FER1L5: variants seen among roughly 807,000 people sequenced by gnomAD.
FER1L5 encodes fer-1 like family member 5, also known as fer-1-like protein 5.
A neutral mutation model predicts 279.9 loss-of-function variants in FER1L5; 187 were observed. That is an observed-to-expected ratio of 0.67 (90% confidence interval 0.59 to 0.75). The LOEUF is 0.75. Among genes scored for constraint, FER1L5 ranks in the 30% least tolerant of loss-of-function variants. The pLI is 0.00. For missense variants in FER1L5, 2,091 were observed against 2,594.4 expected (o/e 0.81, Z 4.21); for synonymous variants, 921 against 989.7 (o/e 0.93, Z 1.30).
rs1373994758 is a variant in FER1L5, at chr2:96,689,146, G to A, written c.2362-67G>A. ...TGCAGCCCAGAGTCAGGGGGCCCAG[G>A]GGAGGCCCATGTCCCCGCACTTTGT... On this transcript the variant is annotated intron_variant, in intron 24 of 52. Coordinates refer to ENST00000624922, the MANE Select transcript of FER1L5 (RefSeq NM_001293083.2). The surrounding 1 kb of genome is among the most constrained non-coding windows in gnomAD (Gnocchi z 4.6). 1.1e-5 allele frequency: 17 copies of A among 1,494,774 alleles called. No homozygotes were observed. The highest frequency in any genetic ancestry group is 5.0e-5 in the Admixed American group (2 of 40,316). 92.6% of individuals were successfully genotyped at this position (1,494,774 alleles called of 1,614,324 possible).
At position 96,702,423 on chromosome 2, in the gene FER1L5, C is replaced by T; in HGVS notation, c.5255+22C>T. 6.3e-7 allele frequency: 1 copy of T among 1,595,474 alleles called. No individual in the cohort carries two copies. Among genetic ancestry groups the T allele is most frequent in the Non-Finnish European group, 8.5e-7 (1 of 1,171,388 alleles). ...AAGGGTAGGGAAGAGGAGTCAGGCTCCGGCAGAGCCCCTCAGTTCCCCAGT... is the reference window on the plus strand; with the variant it reads ...AAGGGTAGGGAAGAGGAGTCAGGCTTCGGCAGAGCCCCTCAGTTCCCCAGT... On this transcript the variant is annotated intron_variant, in intron 47 of 52. Transcript: ENST00000624922. This position sits in a 1 kb window ranked among gnomAD's most constrained non-coding sequence, Gnocchi z 4.0.
At chr2:96,650,329 GAC>G (rs1190244477) in intron 6 of FER1L5, 40 bp downstream of exon 6, 1 of 1,502,632 alleles carries the variant, frequency 6.7e-7, no homozygotes, top group Non-Finnish European at 9.1e-7. Context: ...GGACTCACCT[GAC>G]ACTCTTGTTT....
chr2:96,704,350 C>G lies in FER1L5; in HGVS notation c.5937C>G (p.Ile1979Met), dbSNP rs765185252. The G allele has an allele frequency of 6.2e-7, 1 of 1,613,936 alleles. No homozygotes were observed. Among genetic ancestry groups the G allele is most frequent in the Non-Finnish European group, 8.5e-7 (1 of 1,179,856 alleles). ...SIIALMLFNFIYSAPHYLAMS... is the reference protein window; with the variant it reads ...SIIALMLFNFMYSAPHYLAMS... Reference sequence around the variant, plus strand: ...TAGCACTTATGCTGTTTAACTTCATCTATTCAGCTCCGGTGAGTGGCAGCC... The same window carrying G: ...TAGCACTTATGCTGTTTAACTTCATGTATTCAGCTCCGGTGAGTGGCAGCC... Residue 1979 changes from isoleucine to methionine, a missense_variant, in exon 52 of 53, where the codon ATC (isoleucine) becomes ATG (methionine). By Grantham distance (10) the Ile-to-Met change is conservative. Coordinates refer to ENST00000624922, the MANE Select transcript of FER1L5 (RefSeq NM_001293083.2).
Position 96,702,262 on chromosome 2 carries a change from G to A in FER1L5, c.5160-44G>A. On this transcript the variant is annotated intron_variant, in intron 46 of 52. Coordinates refer to ENST00000624922, the MANE Select transcript of FER1L5 (RefSeq NM_001293083.2). This position sits in a 1 kb window ranked among gnomAD's most constrained non-coding sequence, Gnocchi z 4.0. ...CTCTGCCCTCACTGAGGCTGCAGCT[G>A]GGGAGCTCCTCCTCAGCAAAGCCTC... 6.3e-7 allele frequency: 1 copy of A among 1,592,002 alleles called. No homozygotes were observed. The highest frequency in any genetic ancestry group is 8.5e-7 in the Non-Finnish European group (1 of 1,169,738).
rs373499456 is a variant in FER1L5, at chr2:96,695,728, C to T, written c.3895-14C>T. 1 of 1,611,388 alleles carries T rather than the reference C, an allele frequency of 6.2e-7. No individual in the cohort carries two copies. The highest frequency in any genetic ancestry group is 1.1e-5 in the South Asian group (1 of 90,406). ...TGTGGGTCTCACGCTCCCCACGTCTCCTCGGGATTGCAGCTCATGCCGACG... is the reference window on the plus strand; with the variant it reads ...TGTGGGTCTCACGCTCCCCACGTCTTCTCGGGATTGCAGCTCATGCCGACG... On this transcript the variant is annotated splice_polypyrimidine_tract_variant and intron_variant, in intron 35 of 52. Coordinates refer to ENST00000624922, the MANE Select transcript of FER1L5 (RefSeq NM_001293083.2).
rs1573768783 is a variant in FER1L5, at chr2:96,648,789, T to C, written c.340-834T>C. ...TCTTATTTTCTATGTGGTTTGGCCATTGTCCATTTGTATGCAGACAGTCTG... is the reference window on the plus strand; with the variant it reads ...TCTTATTTTCTATGTGGTTTGGCCACTGTCCATTTGTATGCAGACAGTCTG... On this transcript the variant is annotated intron_variant, in intron 4 of 52. Transcript: ENST00000624922. Among the ~76,000 whole-genome samples, 5 of 152,240 alleles carry C rather than the reference T, an allele frequency of 3.3e-5. 1 individual carries two copies. In the East Asian group the frequency reaches 9.6e-4, roughly 29 times the overall value.
At chr2:96,653,838 A>C in intron 8 of FER1L5, 136 bp downstream of exon 8, 2 of 626,296 alleles carry the variant, frequency 3.2e-6, no homozygotes, top group East Asian at 2.9e-5. Flanking sequence ...CACTTTCTTC[A>C]CCCCCTGGCA....
chr2:96,690,462 GCTCGCCCT>G lies in FER1L5; in HGVS notation c.2641-21_2641-14del, dbSNP rs1368139110. 1 of 1,548,670 alleles carries G rather than the reference GCTCGCCCT, an allele frequency of 6.5e-7. No individual in the cohort carries two copies. Among genetic ancestry groups the G allele is most frequent in the African/African-American group, 1.4e-5 (1 of 73,088 alleles). On this transcript the variant is annotated splice_polypyrimidine_tract_variant and intron_variant, in intron 26 of 52. Coordinates refer to ENST00000624922, the MANE Select transcript of FER1L5 (RefSeq NM_001293083.2). ...CCTCCTCCCAGCTCATGTGCCCCTC[GCTCGCCCT>G]CTCTGTCCACCTGCAGAATGGACAG...
Position 96,701,952 on chromosome 2 carries a change from T to C in FER1L5, c.5071-3T>C. 2 of 1,613,930 alleles carry C rather than the reference T, an allele frequency of 1.2e-6. No homozygotes were observed. The highest frequency in any genetic ancestry group is 2.2e-5 in the East Asian group (1 of 44,886). ...CCAACCAGTCAATGTATCCCGGCTC[T>C]AGGGAAAGGTGCAAATGTGGGTGGA... On this transcript the variant is annotated splice_polypyrimidine_tract_variant and splice_region_variant and intron_variant, in intron 45 of 52. Transcript: ENST00000624922.
At position 96,704,835 on chromosome 2, in the gene FER1L5, A is replaced by G; in HGVS notation, c.*143A>G. ...TTGTGTTCAGAAATCACTTTCAACA[A>G]GACGAGCAGAGCTGTAATTTTCCAC... On this transcript the variant is annotated 3_prime_UTR_variant, in exon 53 of 53. Coordinates refer to ENST00000624922, the MANE Select transcript of FER1L5 (RefSeq NM_001293083.2). The G allele has an allele frequency of 1.5e-6, 1 of 667,874 alleles. No homozygotes were observed. The highest frequency in any genetic ancestry group is 2.5e-6 in the Non-Finnish European group (1 of 394,292). 41.4% of individuals were successfully genotyped at this position (667,874 alleles called of 1,614,324 possible).
At position 96,689,413 on chromosome 2, in the gene FER1L5, A is replaced by T. The variant is rs1459890715; in HGVS notation, c.2525+37A>T. 6.5e-7 allele frequency: 1 copy of T among 1,539,988 alleles called. No homozygotes were observed. The highest frequency in any genetic ancestry group is 2.4e-5 in the East Asian group (1 of 40,852). On this transcript the variant is annotated intron_variant, in intron 25 of 52. Transcript: ENST00000624922. The surrounding 1 kb of genome is among the most constrained non-coding windows in gnomAD (Gnocchi z 4.6). Reference sequence around the variant, plus strand: ...GGGGGCAGGCCCCACCAGAGGGGACACTTCACCTGGGAGGGCCAGTCCGCG... The same window carrying T: ...GGGGGCAGGCCCCACCAGAGGGGACTCTTCACCTGGGAGGGCCAGTCCGCG...
In FER1L5 at chr2:96,661,430, A is replaced by C. The variant is rs1228537281; in HGVS notation, c.884A>C (p.Asp295Ala). The change falls in exon 11 of 53, where the codon GAC (aspartate) becomes GCC (alanine). Residue 295 changes from aspartate (D) to alanine (A), a missense_variant. Physicochemically the swap from Asp to Ala is moderately radical, Grantham distance 126. Coordinates refer to ENST00000624922, the MANE Select transcript of FER1L5 (RefSeq NM_001293083.2). ...KVTIYALGVG[D>A]QALIDQKLLY... is the part of the protein sequence containing the mutation. ...ACCATCTATGCCCTCGGTGTGGGAG[A>C]CCAGGCCCTGGTGAGCTGCCCCTAA... 6.4e-7 allele frequency: 1 copy of C among 1,551,272 alleles called. No homozygotes were observed. Among genetic ancestry groups the C allele is most frequent in the Non-Finnish European group, 8.7e-7 (1 of 1,146,852 alleles).
intron 43 of FER1L5, 60 bp downstream of exon 43, chr2:96,699,780 C>A: frequency 6.3e-7 from 1 of 1,599,602 alleles, no homozygotes; most frequent in Non-Finnish European, 8.5e-7. Context: ...GAGCCTACAG[C>A]TCCCTTGGGA....
intron 1 of FER1L5, among the ~76,000 whole-genome samples, chr2:96,645,801 A>C (rs1448380424): frequency 6.7e-6 from 1 of 149,600 alleles, no homozygotes; most frequent in Non-Finnish European, 1.5e-5. Context: ...CACACACACA[A>C]AAGAAAAGTA....
intron 19 of FER1L5, among the ~76,000 whole-genome samples, chr2:96,678,098 G>C (rs2076576530): frequency 6.6e-6 from 1 of 150,926 alleles, no homozygotes; most frequent in Non-Finnish European, 1.5e-5. Flanking sequence ...ATGACACTGA[G>C]CACCTTTTTT....
rs1558853168 is a variant in FER1L5, at chr2:96,659,339, TTCCTTCCTTCCTTCC to T, written c.748-1000_748-986del. ...CTTCCTTCCTTCCTTCCTTCCTTCCTTCCTTCCTTCCTTCCTTCCTTCCTTCTTTCTTTCTTTCTT... is the reference window on the plus strand; with the variant it reads ...CTTCCTTCCTTCCTTCCTTCCTTCCTTTCCTTCCTTCTTTCTTTCTTTCTT... On this transcript the variant is annotated intron_variant, in intron 9 of 52. Coordinates refer to ENST00000624922, the MANE Select transcript of FER1L5 (RefSeq NM_001293083.2). 7.0e-5 allele frequency among the ~76,000 whole-genome samples: 6 copies of T among 86,128 alleles called. 1 individual carries two copies. Among genetic ancestry groups the T allele is most frequent in the African/African-American group, 2.8e-4 (6 of 21,578 alleles). 56.5% of individuals were successfully genotyped at this position (86,128 alleles called of 152,430 possible). A position where few individuals can be genotyped will look rare whatever the true frequency, so the allele number is the denominator to read the frequency against.
At chr2:96,690,043 T>C (rs762177251) in intron 26 of FER1L5, among the ~76,000 whole-genome samples, 11 of 152,216 alleles carry the variant, frequency 7.2e-5, no homozygotes, top group Non-Finnish European at 1.3e-4. Context: ...GAGAATCTGC[T>C]TGGGGTAGGC....
intron 19 of FER1L5, among the ~76,000 whole-genome samples, chr2:96,674,969 C>T (rs984067293): frequency 2.0e-5 from 3 of 152,172 alleles, no homozygotes; most frequent in African/African-American, 7.2e-5. Context: ...GTATTAATCA[C>T]CTTCTTGCTT....
chr2:96,692,341 G>A lies in FER1L5; in HGVS notation c.3292+160G>A, dbSNP rs368150965. 1.6e-4 allele frequency among the ~76,000 whole-genome samples: 25 copies of A among 152,332 alleles called. 2 individuals carry two copies. Among genetic ancestry groups the A allele is most frequent in the Admixed American group, 6.5e-4 (10 of 15,302 alleles). The stretch of plus-strand genomic sequence containing the variant: ...CTGCAAGCCTTGTCCCTGGGTCCTG[G>A]TGTCAGCTGCTCAGCAGTGTAAAGA... On this transcript the variant is annotated intron_variant, in intron 31 of 52. Coordinates refer to ENST00000624922, the MANE Select transcript of FER1L5 (RefSeq NM_001293083.2).
Sources: allele counts gnomAD v4.1 joint callset (sites outside exome capture counted in the v4.1 genomes callset), GRCh38; gene constraint gnomAD v4.1.1; non-coding constraint Gnocchi (gnomAD v3.1); transcripts MANE v1.5; gene names NCBI Gene and HGNC (gene_info 2026-07-23, HGNC 2026-07-21).